Variants in ACTL8 observed in about 807,000 individuals in gnomAD.
ACTL8 encodes actin like 8.
In ACTL8, 3 loss-of-function variants were observed where a neutral mutation model predicts 9.3. The ratio of observed to expected loss-of-function variants is 0.32; its 90% CI spans 0.15 to 0.83. The LOEUF (loss-of-function observed/expected upper bound fraction) is 0.83, where lower values mean the gene tolerates loss of function less well. ACTL8 is among the 40% of genes least tolerant of loss of function. ACTL8 has a pLI of 0.57. For missense variants in ACTL8, 381 were observed against 492.2 expected (o/e 0.77, Z 2.14); for synonymous variants, 224 against 205.9 (o/e 1.09, Z -0.75).
At chr1:17,820,821 C>G (rs1189477214) in intron 1 of ACTL8, among the ~76,000 whole-genome samples, 3 of 152,128 alleles carry the variant, frequency 2.0e-5, no homozygotes, top group African/African-American at 7.2e-5. Flanking sequence ...AGGTGATCTG[C>G]CCGTCTTGGC....
chr1:17,770,882 G>T (rs910926728), intron 1 of ACTL8, among the ~76,000 whole-genome samples: 11 of 152,176 alleles, frequency 7.2e-5, no homozygotes, highest in Non-Finnish European at 1.3e-4. Context: ...AAGTGGGTAG[G>T]ATACAGACAT....
intron 1 of ACTL8, among the ~76,000 whole-genome samples, chr1:17,803,008 G>A (rs2066334335): frequency 6.6e-6 from 1 of 152,064 alleles, no homozygotes; most frequent in African/African-American, 2.4e-5. Flanking sequence ...ATAACAAACA[G>A]TGATATCTGC....
At chr1:17,755,991 C>A (rs1047164563) in intron 1 of ACTL8, among the ~76,000 whole-genome samples, 2 of 151,918 alleles carry the variant, frequency 1.3e-5, no homozygotes, top group East Asian at 3.9e-4. Flanking sequence ...TGGGAGGGCT[C>A]TTTTTTTGAG....
rs886522728 is a variant in ACTL8, at chr1:17,823,174, G to A, written c.166G>A (p.Asp56Asn). Residue 56 changes from aspartate to asparagine, a missense_variant, in exon 2 of 3, where the codon GAC becomes AAC. By Grantham distance (23) the Asp-to-Asn change is conservative (BLOSUM62 1). This residue lies in a region of ACTL8 where 125 missense variants were observed against 180.7 expected (regional missense o/e 0.69). Coordinates refer to ENST00000375406, the MANE Select transcript of ACTL8 (RefSeq NM_030812.3). This position sits in a 1 kb window ranked among gnomAD's most constrained non-coding sequence, Gnocchi z 5.3. ...YARRRVSLGI[D>N]ICHPDTFSYP... ...CCGTAGGCGTGTGAGCCTGGGCATCGACATTTGCCATCCTGACACCTTTAG... is the reference window on the plus strand; with the variant it reads ...CCGTAGGCGTGTGAGCCTGGGCATCAACATTTGCCATCCTGACACCTTTAG... 11 of 1,614,048 alleles carry A rather than the reference G, an allele frequency of 6.8e-6. No individual in the cohort carries two copies. Among genetic ancestry groups the A allele is most frequent in the East Asian group, 6.7e-5 (3 of 44,882 alleles).
At chr1:17,799,363 T>C (rs1458737795) in intron 1 of ACTL8, among the ~76,000 whole-genome samples, 1 of 152,230 alleles carries the variant, frequency 6.6e-6, no homozygotes, top group Admixed American at 6.5e-5. Context: ...CTGATCAATG[T>C]ATGTTTGAAC....
chr1:17,781,607 G>A (rs937522696), intron 1 of ACTL8, among the ~76,000 whole-genome samples: 3 of 152,164 alleles, frequency 2.0e-5, no homozygotes, highest in Non-Finnish European at 4.4e-5. Flanking sequence ...TTCATCTTGA[G>A]ATCCCTAGCT....
At chr1:17,811,924 A>G (rs1343141158) in intron 1 of ACTL8, among the ~76,000 whole-genome samples, 1 of 151,390 alleles carries the variant, frequency 6.6e-6, no homozygotes, top group African/African-American at 2.4e-5. Flanking sequence ...TTGGAGTGCA[A>G]TGATCTGATG....
At chr1:17,757,329 G>A (rs1278959110) in intron 1 of ACTL8, among the ~76,000 whole-genome samples, 1 of 152,216 alleles carries the variant, frequency 6.6e-6, no homozygotes, top group South Asian at 2.1e-4. Context: ...TAATTGTGCT[G>A]GTTGCTGAAT....
intron 1 of ACTL8, among the ~76,000 whole-genome samples, chr1:17,773,633 T>G (rs2066098210): frequency 6.6e-6 from 1 of 152,208 alleles, no homozygotes; most frequent in South Asian, 2.1e-4. Context: ...TTTAGCCTGA[T>G]GAAGAGGAGG....
intron 1 of ACTL8, among the ~76,000 whole-genome samples, chr1:17,774,164 G>A (rs1318763620): frequency 6.6e-6 from 1 of 152,206 alleles, no homozygotes; most frequent in Non-Finnish European, 1.5e-5. Flanking sequence ...CAAAATCTGG[G>A]CTCGTTTAGC....
chr1:17,766,505 G>A (rs898811992), intron 1 of ACTL8, among the ~76,000 whole-genome samples: 2 of 152,172 alleles, frequency 1.3e-5, no homozygotes, highest in Admixed American at 6.5e-5. Flanking sequence ...ACTATCTAAA[G>A]TTGGTTGCAG....
At chr1:17,808,110 A>G (rs1421577345) in intron 1 of ACTL8, among the ~76,000 whole-genome samples, 1 of 152,226 alleles carries the variant, frequency 6.6e-6, no homozygotes, top group African/African-American at 2.4e-5. Flanking sequence ...GAATGTGGGT[A>G]AAAGTGCTAA....
chr1:17,777,555 G>A (rs2102681568), intron 1 of ACTL8, among the ~76,000 whole-genome samples: 2 of 152,274 alleles, frequency 1.3e-5, no homozygotes, highest in Non-Finnish European at 2.9e-5. Context: ...TAGATTGGCC[G>A]TTGCTTACCA....
intron 1 of ACTL8, among the ~76,000 whole-genome samples, chr1:17,799,198 C>T (rs1380625654): frequency 6.6e-6 from 1 of 152,200 alleles, no homozygotes; most frequent in Non-Finnish European, 1.5e-5. Flanking sequence ...TCACCGTGTT[C>T]CCAGATGCCT....
At chr1:17,788,954 C>T (rs1012614060) in intron 1 of ACTL8, among the ~76,000 whole-genome samples, 1 of 152,218 alleles carries the variant, frequency 6.6e-6, no homozygotes, top group Non-Finnish European at 1.5e-5. Flanking sequence ...CAGTGGTCAT[C>T]AAAGAGGTAT....
rs201933477 is a variant in ACTL8 at position 17,788,537 on chromosome 1, G to A, written c.-25+33033G>A. On this transcript the variant is annotated intron_variant, in intron 1 of 2. Coordinates refer to ENST00000375406, the MANE Select transcript of ACTL8 (RefSeq NM_030812.3). ...ATGGACGGCCTCATCCCTTTACCCC[G>A]TACAAATATTTTCTGTTTTCCAAGT... Among the ~76,000 whole-genome samples, 25 of 152,296 alleles carry A rather than the reference G, an allele frequency of 1.6e-4. No individual in the cohort carries two copies. In the East Asian group the frequency reaches 3.1e-3, roughly 19 times the overall value.
chr1:17,805,429 A>G (rs2066353642), intron 1 of ACTL8, among the ~76,000 whole-genome samples: 1 of 121,916 alleles, frequency 8.2e-6, no homozygotes, highest in African/African-American at 3.3e-5. Context: ...TCTGTCACCC[A>G]GGCTGGAGTG....
chr1:17,794,877 T>G (rs2066266241), intron 1 of ACTL8, among the ~76,000 whole-genome samples: 2 of 152,178 alleles, frequency 1.3e-5, no homozygotes. Flanking sequence ...GGGGGCTGGT[T>G]AGTGAGACTG....
At chr1:17,786,006 T>C (rs972664159) in intron 1 of ACTL8, among the ~76,000 whole-genome samples, 1 of 152,190 alleles carries the variant, frequency 6.6e-6, no homozygotes, top group Non-Finnish European at 1.5e-5. Context: ...CCTGTGGCTG[T>C]GTGACTGAGG....
Sources: gnomAD v4.1 joint callset for allele counts (sites outside exome capture counted in the v4.1 genomes callset) on GRCh38, gnomAD v4.1.1 for gene constraint, gnomAD v4.1.1 regional missense constraint, Gnocchi (gnomAD v3.1) non-coding constraint, MANE v1.5 for transcripts, NCBI Gene and HGNC (gene_info 2026-07-23, HGNC 2026-07-21) for gene names.